The following ZBBX variants were observed in gnomAD, a reference collection of about 807,000 sequenced individuals.
ZBBX encodes zinc finger B-box domain-containing protein 1.
In ZBBX, 101 loss-of-function variants were observed where a neutral mutation model predicts 108.5. The observed-to-expected ratio is 0.93, with a 90% confidence interval of 0.79 to 1.10. The LOEUF (loss-of-function observed/expected upper bound fraction) is 1.10. Ranked by LOEUF, ZBBX falls within the 50% of genes least tolerant of loss-of-function variation. The pLI, the probability that ZBBX is intolerant of heterozygous loss-of-function variation, is 0.00. For synonymous variants in ZBBX, 356 were observed against 323.4 expected (o/e 1.10, Z -1.08); for missense variants, 1,009 against 941.4 (o/e 1.07, Z -0.94).
upstream of ZBBX, among the ~76,000 whole-genome samples, chr3:167,383,900 G>A (rs1014960094): frequency 5.3e-5 from 8 of 152,028 alleles, no homozygotes; most frequent in East Asian, 3.9e-4. Context: ...TAAGTACTAC[G>A]TTCAAAAAGA....
chr3:167,303,382 G>A (rs1170304957), intron 17 of ZBBX, among the ~76,000 whole-genome samples: 1 of 151,906 alleles, frequency 6.6e-6, no homozygotes, highest in African/African-American at 2.4e-5. Context: ...ACAAGTTATG[G>A]TACATATTAT....
the ZBBX span, among the ~76,000 whole-genome samples, chr3:167,191,174 C>T: frequency 6.6e-6 from 1 of 152,226 alleles, no homozygotes; most frequent in African/African-American, 2.4e-5. Context: ...GGTTTTGTCA[C>T]ATCCAGTCTC....
the ZBBX span, among the ~76,000 whole-genome samples, chr3:167,196,563 T>A: frequency 6.6e-6 from 1 of 152,280 alleles, no homozygotes; most frequent in African/African-American, 2.4e-5. Context: ...AATACATAAC[T>A]TAAGTGGACC....
In ZBBX at chr3:167,240,912, C is replaced by T. The variant is rs1358570102; in HGVS notation, c.2401G>A (p.Gly801Arg). The T allele has an allele frequency of 6.2e-7, 1 of 1,612,896 alleles. No individual in the cohort carries two copies. ...PCGVEELSCS[G>R]RDTKIQSLLS... ...AAAGACTGAATTTTGGTATCTCTTC[C>T]AGAACAGCTGAAAATACATAACAAG... Residue 801 changes from glycine to arginine, a missense_variant, in exon 22 of 22, where the codon GGA becomes AGA. Coordinates refer to ENST00000675490, the MANE Select transcript of ZBBX (RefSeq NM_001199201.2).
At chr3:167,400,775 A>G (rs548146403) in intron 1 of ZBBX, among the ~76,000 whole-genome samples, 15 of 152,062 alleles carry the variant, frequency 9.9e-5, no homozygotes, top group Non-Finnish European at 1.8e-4. Flanking sequence ...TAAGATGAAC[A>G]TTGATTGGTC....
At chr3:167,331,584 G>A in intron 10 of ZBBX, 2 of 985,306 alleles carry the variant, frequency 2.0e-6, no homozygotes, top group African/African-American at 3.5e-5. Context: ...ACATAGCTGT[G>A]GCAGGGTAGA....
chr3:167,300,438 C>T (rs914161086), intron 17 of ZBBX, among the ~76,000 whole-genome samples: 1 of 152,082 alleles, frequency 6.6e-6, no homozygotes, highest in Non-Finnish European at 1.5e-5. Context: ...CTGCTGAGAA[C>T]TTTATGGATC....
chr3:167,334,020 C>G, intron 9 of ZBBX, 35 bp from the exon 10 acceptor site: 1 of 1,395,084 alleles, frequency 7.2e-7, no homozygotes, highest in Middle Eastern at 2.6e-4. Context: ...TAAAGCGCCT[C>G]ATATGTTAAC....
intron 1 of ZBBX, among the ~76,000 whole-genome samples, chr3:167,388,565 A>G (rs1197461032): frequency 6.6e-6 from 1 of 152,086 alleles, no homozygotes; most frequent in African/African-American, 2.4e-5. Flanking sequence ...ATTAGAATGC[A>G]GGATGGCTAC....
chr3:167,395,754 T>A (rs901569904), intron 1 of ZBBX, among the ~76,000 whole-genome samples: 1 of 152,000 alleles, frequency 6.6e-6, no homozygotes, highest in African/African-American at 2.4e-5. Context: ...CAATTTTAGC[T>A]TATTTTGCCT....
chr3:167,375,672 T>C (rs991727900), intron 2 of ZBBX, among the ~76,000 whole-genome samples: 2 of 151,892 alleles, frequency 1.3e-5, no homozygotes, highest in Admixed American at 1.3e-4. Context: ...AAATTAAAAA[T>C]GATTGTGCAA....
intron 17 of ZBBX, among the ~76,000 whole-genome samples, chr3:167,299,838 G>C (rs1732332073): frequency 6.6e-6 from 1 of 152,150 alleles, no homozygotes; most frequent in African/African-American, 2.4e-5. Context: ...GGAATGAAAA[G>C]AAAGTAGATT....
intron 20 of ZBBX, among the ~76,000 whole-genome samples, chr3:167,279,173 C>T (rs375232710): frequency 1.3e-5 from 2 of 152,066 alleles, no homozygotes; most frequent in Non-Finnish European, 2.9e-5. Flanking sequence ...TGGAAGCATT[C>T]CCTTTGAAAA....
chr3:167,200,218 T>C, the ZBBX span, among the ~76,000 whole-genome samples: 1 of 152,100 alleles, frequency 6.6e-6, no homozygotes, highest in Non-Finnish European at 1.5e-5. Flanking sequence ...CTAGGTGGCA[T>C]GAATTTGGCA....
In ZBBX at chr3:167,298,501, A is replaced by T. The variant is rs756574390; in HGVS notation, c.1726-43T>A. On this transcript the variant is annotated intron_variant, in intron 17 of 21. Coordinates refer to ENST00000675490, the MANE Select transcript of ZBBX (RefSeq NM_001199201.2). ...CAACAATATTATTTTCTAACTCATT[A>T]ACACAAACAAGCATATTCATTTATC... 2.2e-6 allele frequency: 3 copies of T among 1,367,048 alleles called. No homozygotes were observed. The African/African-American group carries it at 4.4e-5, about 20-fold the overall frequency. 84.7% of individuals were successfully genotyped at this position (1,367,048 alleles called of 1,614,324 possible).
At chr3:167,364,558 GTT>G (rs62962363) in intron 6 of ZBBX, among the ~76,000 whole-genome samples, 2 of 151,572 alleles carry the variant, frequency 1.3e-5, no homozygotes, top group African/African-American at 2.4e-5. Context: ...GAGTTATTTA[GTT>G]TTTTTTTATA....
chr3:167,330,424 A>G (rs1156918164), intron 10 of ZBBX, among the ~76,000 whole-genome samples: 1 of 152,164 alleles, frequency 6.6e-6, no homozygotes, highest in Non-Finnish European at 1.5e-5. Context: ...GGGAGCCTAT[A>G]TGGGACATGA....
intron 7 of ZBBX, 58 bp downstream of exon 7, chr3:167,360,617 A>G: frequency 3.9e-6 from 4 of 1,017,188 alleles, no homozygotes; most frequent in Non-Finnish European, 5.4e-6. Context: ...ATTTGTAATT[A>G]CAATGTAAAA....
the ZBBX span, among the ~76,000 whole-genome samples, chr3:167,184,388 C>T: frequency 6.6e-6 from 1 of 152,084 alleles, no homozygotes; most frequent in African/African-American, 2.4e-5. Flanking sequence ...AGATAGTTGG[C>T]CAGGCTGGTG....
Sources: allele counts gnomAD v4.1 joint callset (sites outside exome capture counted in the v4.1 genomes callset), GRCh38; gene constraint gnomAD v4.1.1; transcripts MANE v1.5; gene names NCBI Gene and HGNC (gene_info 2026-07-23, HGNC 2026-07-21).